Variants in SORL1 observed in about 807,000 individuals in gnomAD.
SORL1 encodes sortilin related receptor 1.
SORL1 carries 127 observed loss-of-function variants against 273.7 expected under a neutral mutation model. The observed-to-expected ratio is 0.46, with a 90% CI of 0.40 to 0.54. SORL1 has a LOEUF of 0.54. Among genes scored for constraint, SORL1 ranks in the 20% least tolerant of loss-of-function variants. The pLI is 0.00. For missense variants in SORL1, 2,494 were observed against 2,846.1 expected (o/e 0.88, Z 2.81); for synonymous variants, 1,031 against 1,067.4 (o/e 0.97, Z 0.66).
At chr11:121,580,874 G>C (rs1863004570) in intron 25 of SORL1, among the ~76,000 whole-genome samples, 1 of 151,310 alleles carries the variant, frequency 6.6e-6, no homozygotes, top group Admixed American at 6.6e-5. Context: ...CAAAGTGCTG[G>C]GATTACAGGT....
intron 13 of SORL1, among the ~76,000 whole-genome samples, chr11:121,544,802 A>G (rs1030167855): frequency 2.6e-5 from 4 of 152,204 alleles, no homozygotes; most frequent in Non-Finnish European, 5.9e-5. Context: ...AAGTAGGGCC[A>G]GCGAGCCCTC....
intron 2 of SORL1, among the ~76,000 whole-genome samples, chr11:121,473,006 G>A (rs1010577437): frequency 2.0e-5 from 3 of 151,386 alleles, no homozygotes; most frequent in Non-Finnish European, 2.9e-5. Flanking sequence ...GGAAGGAAAC[G>A]CAATGGCCAG....
intron 31 of SORL1, among the ~76,000 whole-genome samples, chr11:121,592,422 A>G (rs1264435394): frequency 6.6e-6 from 1 of 152,226 alleles, no homozygotes; most frequent in African/African-American, 2.4e-5. Flanking sequence ...TCTTAGGTTC[A>G]CAAAAGTTTG....
At chr11:121,556,277 C>T (rs922436591) in intron 18 of SORL1, among the ~76,000 whole-genome samples, 2 of 152,162 alleles carry the variant, frequency 1.3e-5, no homozygotes, top group African/African-American at 2.4e-5. Context: ...TAAATCAGTT[C>T]TGTTGGTGGT....
rs544390676 is a variant in SORL1 at position 121,595,695 on chromosome 11, C to G, written c.4442C>G (p.Pro1481Arg). 1 of 1,613,992 alleles carries G rather than the reference C, an allele frequency of 6.2e-7. No homozygotes were observed. Among genetic ancestry groups the G allele is most frequent in the Non-Finnish European group, 8.5e-7 (1 of 1,179,970 alleles). Residue 1481 changes from proline to arginine, a missense_variant, in exon 32 of 48, where the codon CCG becomes CGG. This residue lies in a region of SORL1 where 1,609 missense variants were observed against 1,816.4 expected (regional missense o/e 0.89). Transcript: ENST00000260197. The surrounding 1 kb of genome is among the most constrained non-coding windows in gnomAD (Gnocchi z 5.1). ...CDRFEFECHQPKTCIPNWKRC... is the reference protein window; with the variant it reads ...CDRFEFECHQRKTCIPNWKRC... ...CGATTTGAGTTCGAATGCCACCAACCGAAGACGTGTATTCCCAACTGGAAG... is the reference window on the plus strand; with the variant it reads ...CGATTTGAGTTCGAATGCCACCAACGGAAGACGTGTATTCCCAACTGGAAG...
At chr11:121,543,767 G>T (rs2276346) in intron 13 of SORL1, 41 bp downstream of exon 13, 495,596 of 1,570,516 alleles carry the variant, frequency 0.32, 82,361 homozygotes, top group Middle Eastern at 0.34. Flanking sequence ...ATGGATATGC[G>T]TGGACTTCCT....
chr11:121,559,571 A>C lies in SORL1; in HGVS notation c.2963A>C (p.Lys988Thr). 4 of 1,614,180 alleles carry C rather than the reference A, an allele frequency of 2.5e-6. No homozygotes were observed. The highest frequency in any genetic ancestry group is 1.1e-5 in the South Asian group (1 of 91,086). Residue 988 changes from lysine (K) to threonine (T), a missense_variant, in exon 21 of 48, where the codon AAA (lysine) becomes ACA (threonine). Lys to Thr is a moderately conservative substitution (Grantham distance 78). This residue lies in a region of SORL1 where 1,609 missense variants were observed against 1,816.4 expected (regional missense o/e 0.89). Coordinates refer to ENST00000260197, the MANE Select transcript of SORL1 (RefSeq NM_003105.6). ...CAGCTCAGCATATTCCGAGCTTCCA[A>C]ATACAGTGGGTCCCAGATGGAGATT... ...WSQLSIFRAS[K>T]YSGSQMEILA...
intron 1 of SORL1, among the ~76,000 whole-genome samples, chr11:121,462,004 T>C (rs892026127): frequency 1.5e-4 from 23 of 152,188 alleles, no homozygotes; most frequent in African/African-American, 5.1e-4. Context: ...TGATTATTCA[T>C]CTCATTTCAG....
At position 121,570,049 on chromosome 11, in the gene SORL1, C is replaced by A. The variant is rs878914077; in HGVS notation, c.3224-108C>A. 13 of 597,672 alleles carry A rather than the reference C, an allele frequency of 2.2e-5. 1 individual carries two copies. The South Asian group carries it at 3.2e-4, about 15-fold the overall frequency. The allele number at this position is 597,672 out of a possible 1,614,324, so 37.0% of individuals were successfully genotyped here. A position where few individuals can be genotyped will look rare whatever the true frequency, so the allele number is the denominator to read the frequency against. On this transcript the variant is annotated intron_variant, in intron 22 of 47. Coordinates refer to ENST00000260197, the MANE Select transcript of SORL1 (RefSeq NM_003105.6). ...TTTCACCCGATATCTGGCTGAATTT[C>A]CCCCGATAGTTACTAAAGGGAGGGA...
intron 13 of SORL1, 136 bp from the exon 14 acceptor site, chr11:121,545,107 T>C (rs544877484): frequency 5.6e-6 from 4 of 714,276 alleles, no homozygotes; most frequent in Non-Finnish European, 9.5e-6. Flanking sequence ...AACAAGCTGA[T>C]TGGAGGGTCT....
At chr11:121,508,384 G>T (rs565963503) in intron 6 of SORL1, among the ~76,000 whole-genome samples, 67 of 152,242 alleles carry the variant, frequency 4.4e-4, no homozygotes, top group African/African-American at 1.5e-3. Context: ...AAGCTTTTTA[G>T]TTAGCCTCTT....
In SORL1 at chr11:121,614,991, G is replaced by A. The variant is rs747314265; in HGVS notation, c.5540G>A (p.Ser1847Asn). The A allele has an allele frequency of 6.2e-7, 1 of 1,613,544 alleles. No homozygotes were observed. Among genetic ancestry groups the A allele is most frequent in the South Asian group, 1.1e-5 (1 of 90,954 alleles). ...AGAGGGGTTCGCCCACCTGCACCTA[G>A]CCTCAAGGCCAAAGCCATCAACCAG... ...MTRGVRPPAPSLKAKAINQTA... is the reference protein window; with the variant it reads ...MTRGVRPPAPNLKAKAINQTA... The change falls in exon 41 of 48, where the codon AGC becomes AAC. Residue 1847 changes from serine to asparagine, a missense_variant. This residue lies in a region of SORL1 where 1,609 missense variants were observed against 1,816.4 expected (regional missense o/e 0.89). Transcript: ENST00000260197.
At chr11:121,478,082 C>A in intron 2 of SORL1, 36 bp from the exon 3 acceptor site, 3 of 1,471,956 alleles carry the variant, frequency 2.0e-6, no homozygotes, top group Non-Finnish European at 1.9e-6. Context: ...TTCTCACCAA[C>A]TCTTTCTTTT....
intron 6 of SORL1, 27 bp from the exon 7 acceptor site, chr11:121,512,976 A>ATTTTTTTTTTTTTT: frequency 6.6e-7 from 1 of 1,504,040 alleles, no homozygotes; most frequent in Non-Finnish European, 9.2e-7. Flanking sequence ...GGCACCATTA[A>ATTTTTTTTTTTTTT]TTTTTTTTTC....
At chr11:121,506,256 C>G (rs1267210368) in intron 6 of SORL1, among the ~76,000 whole-genome samples, 1 of 152,088 alleles carries the variant, frequency 6.6e-6, no homozygotes, top group Non-Finnish European at 1.5e-5. Context: ...ATTATTATAG[C>G]TATTCTTTTC....
intron 25 of SORL1, among the ~76,000 whole-genome samples, chr11:121,582,441 A>C (rs1187922452): frequency 6.6e-6 from 1 of 152,274 alleles, no homozygotes; most frequent in African/African-American, 2.4e-5. Flanking sequence ...GGTTGTAAAC[A>C]AGGCCAGTCC....
chr11:121,601,187 A>C (rs1323708255), intron 32 of SORL1, among the ~76,000 whole-genome samples: 1 of 144,400 alleles, frequency 6.9e-6, no homozygotes, highest in Non-Finnish European at 1.5e-5. Context: ...GAGAATGATG[A>C]TTTCCAATTT....
chr11:121,505,425 A>T (rs371379177), intron 6 of SORL1, among the ~76,000 whole-genome samples: 7 of 151,552 alleles, frequency 4.6e-5, no homozygotes, highest in African/African-American at 1.7e-4. Flanking sequence ...AATTTTCTTT[A>T]TTATTTTTCT....
At chr11:121,511,427 G>T (rs1399359960) in intron 6 of SORL1, among the ~76,000 whole-genome samples, 1 of 152,222 alleles carries the variant, frequency 6.6e-6, no homozygotes, top group Non-Finnish European at 1.5e-5. Flanking sequence ...TCACAAAAAT[G>T]TATGTGTATA....
Sources: gnomAD v4.1 joint callset for allele counts (sites outside exome capture counted in the v4.1 genomes callset) on GRCh38, gnomAD v4.1.1 for gene constraint, gnomAD v4.1.1 regional missense constraint, Gnocchi (gnomAD v3.1) non-coding constraint, MANE v1.5 for transcripts, NCBI Gene and HGNC (gene_info 2026-07-23, HGNC 2026-07-21) for gene names.